Variants in CACNA1C observed in about 807,000 individuals in gnomAD.
CACNA1C encodes calcium voltage-gated channel subunit alpha1 C, also known as voltage-dependent L-type calcium channel subunit alpha-1C.
CACNA1C carries 30 observed loss-of-function variants against 229.0 expected under a neutral mutation model. The ratio of observed to expected loss-of-function variants is 0.13; its 90% CI spans 0.10 to 0.18. The LOEUF (loss-of-function observed/expected upper bound fraction) is 0.18. CACNA1C is among the 10% of genes least tolerant of loss of function. CACNA1C has a pLI of 1.00. For missense variants in CACNA1C, 1,658 were observed against 2,845.0 expected, an observed-to-expected ratio of 0.58 and a Z score of 9.49; for synonymous variants, 1,114 against 1,132.5, an observed-to-expected ratio of 0.98 and a Z score of 0.33.
At chr12:2,144,480 C>T (rs937669269) in intron 3 of CACNA1C, among the ~76,000 whole-genome samples, 4 of 151,416 alleles carry the variant, frequency 2.6e-5, no homozygotes, top group African/African-American at 9.7e-5. Context: ...GTATGAGACA[C>T]AGCAGTGCTT....
intron 3 of CACNA1C, among the ~76,000 whole-genome samples, chr12:2,200,079 C>T (rs2097539310): frequency 6.6e-6 from 1 of 152,202 alleles, no homozygotes; most frequent in African/African-American, 2.4e-5. Context: ...TAGCACTGAG[C>T]AGTGCCTGCA....
intron 4 of CACNA1C, among the ~76,000 whole-genome samples, chr12:2,451,593 G>A (rs1336502060): frequency 6.6e-6 from 1 of 152,170 alleles, no homozygotes; most frequent in East Asian, 1.9e-4. Context: ...GGAGGGAGGG[G>A]CCCTGCCTGG....
intron 3 of CACNA1C, among the ~76,000 whole-genome samples, chr12:2,213,451 A>C (rs2059183653): frequency 6.6e-6 from 1 of 152,168 alleles, no homozygotes; most frequent in South Asian, 2.1e-4. Context: ...GGTGAGGAGG[A>C]GGCGGCGAGA....
intron 9 of CACNA1C, among the ~76,000 whole-genome samples, chr12:2,523,796 G>A (rs2099814101): frequency 6.6e-6 from 1 of 152,214 alleles, no homozygotes; most frequent in South Asian, 2.1e-4. Context: ...AAGGGGAGAT[G>A]AATCATCCTG....
chr12:1,993,675 T>C (rs1249001649), intron 1 of CACNA1C, among the ~76,000 whole-genome samples: 1 of 150,244 alleles, frequency 6.7e-6, no homozygotes, highest in Non-Finnish European at 1.5e-5. Flanking sequence ...TGTTGTTTAT[T>C]TCTTAACCTA....
chr12:2,446,542 G>A (rs1352559071), intron 3 of CACNA1C, among the ~76,000 whole-genome samples: 1 of 150,126 alleles, frequency 6.7e-6, no homozygotes, highest in Non-Finnish European at 1.5e-5. Flanking sequence ...ATGGGTAGAT[G>A]AATGGATGAG....
chr12:2,235,990 T>A (rs1173562451), intron 3 of CACNA1C, among the ~76,000 whole-genome samples: 1 of 152,238 alleles, frequency 6.6e-6, no homozygotes, highest in Non-Finnish European at 1.5e-5. Flanking sequence ...ATGAGAATAC[T>A]GAATCATTGA....
intron 3 of CACNA1C, among the ~76,000 whole-genome samples, chr12:2,374,191 G>C (rs1431327395): frequency 6.6e-6 from 1 of 152,202 alleles, no homozygotes; most frequent in African/African-American, 2.4e-5. Flanking sequence ...TTCCTTTTCT[G>C]ATTCATCTCT....
chr12:2,571,442 A>G (rs560436441), intron 13 of CACNA1C, among the ~76,000 whole-genome samples: 1 of 152,304 alleles, frequency 6.6e-6, no homozygotes, highest in African/African-American at 2.4e-5. Context: ...AATAATTCTC[A>G]AAAGTCCCTG....
At chr12:2,351,410 T>C (rs542673167) in intron 3 of CACNA1C, among the ~76,000 whole-genome samples, 147 of 152,302 alleles carry the variant, frequency 9.7e-4, no homozygotes, top group African/African-American at 3.5e-3. Context: ...TCACCTGGCC[T>C]CTGCTGAAGC....
At chr12:1,977,465 C>G (rs1395828278) in intron 1 of CACNA1C, among the ~76,000 whole-genome samples, 1 of 152,186 alleles carries the variant, frequency 6.6e-6, no homozygotes, top group Admixed American at 6.5e-5. Context: ...GTTCCAGATG[C>G]CACACAAAAT....
At chr12:2,065,741 C>A (rs2059053297) in intron 1 of CACNA1C, among the ~76,000 whole-genome samples, 1 of 152,152 alleles carries the variant, frequency 6.6e-6, no homozygotes, top group Non-Finnish European at 1.5e-5. Context: ...ACTGAGCCGT[C>A]CCTTGAAGGG....
chr12:2,608,824 C>T lies in CACNA1C; in HGVS notation c.3558+112C>T. The T allele has an allele frequency of 1.9e-6, 2 of 1,037,398 alleles. No homozygotes were observed. The highest frequency in any genetic ancestry group is 1.4e-6 in the Non-Finnish European group (1 of 700,760). 64.3% of individuals were successfully genotyped at this position (1,037,398 alleles called of 1,614,324 possible). A position where few individuals can be genotyped will look rare whatever the true frequency, so the allele number is the denominator to read the frequency against. On this transcript the variant is annotated intron_variant, in intron 27 of 46. Transcript: ENST00000399655. The surrounding 1 kb of genome is among the most constrained non-coding windows in gnomAD (Gnocchi z 4.2). ...GGAGAGGCCGTGCAGATACTGAGATCGTCTCTCTATTCCTCAACCAGAGTG... is the reference window on the plus strand; with the variant it reads ...GGAGAGGCCGTGCAGATACTGAGATTGTCTCTCTATTCCTCAACCAGAGTG...
intron 3 of CACNA1C, among the ~76,000 whole-genome samples, chr12:2,420,055 A>C (rs1406473780): frequency 1.3e-5 from 2 of 150,358 alleles, no homozygotes; most frequent in Non-Finnish European, 2.9e-5. Context: ...ACCCCTCTGG[A>C]TGTCAGGACA....
At chr12:2,241,805 TG>T (rs2070440932) in intron 3 of CACNA1C, among the ~76,000 whole-genome samples, 1 of 152,252 alleles carries the variant, frequency 6.6e-6, no homozygotes, top group African/African-American at 2.4e-5. Context: ...TTGTTATGTT[TG>T]ATCCCCTGCT....
At chr12:2,298,543 C>T (rs1229099993) in intron 3 of CACNA1C, among the ~76,000 whole-genome samples, 3 of 152,068 alleles carry the variant, frequency 2.0e-5, no homozygotes, top group African/African-American at 2.4e-5. Context: ...GTGATCTGCC[C>T]GCCTCGGCCT....
rs35049659 is a variant in CACNA1C at position 2,106,913 on chromosome 12, C to T, written c.50-8311C>T. The stretch of plus-strand genomic sequence containing the variant: ...TCCTGAAGCCACTGGGCGCCCACCC[C>T]GGGGAGGGTTTCCACCTCAGCTGGG... On this transcript the variant is annotated intron_variant, in intron 1 of 46. Coordinates refer to ENST00000399655, the MANE Select transcript of CACNA1C (RefSeq NM_000719.7). Among the ~76,000 whole-genome samples the T allele has an allele frequency of 7.8e-4, 22 of 28,092 alleles. 1 individual carries two copies. The highest frequency in any genetic ancestry group is 1.3e-3 in the East Asian group (1 of 758). 18.4% of individuals were successfully genotyped at this position (28,092 alleles called of 152,430 possible). A position where few individuals can be genotyped will look rare whatever the true frequency, so the allele number is the denominator to read the frequency against.
chr12:2,000,432 T>C (rs906275492), intron 1 of CACNA1C, among the ~76,000 whole-genome samples: 2 of 152,130 alleles, frequency 1.3e-5, no homozygotes, highest in Non-Finnish European at 2.9e-5. Flanking sequence ...ACTTGTTTCC[T>C]TTCTTCCTTG....
At chr12:2,587,170 A>T (rs1258380773) in intron 18 of CACNA1C, among the ~76,000 whole-genome samples, 2 of 151,412 alleles carry the variant, frequency 1.3e-5, no homozygotes, top group East Asian at 3.9e-4. Flanking sequence ...GCCAGAGTCT[A>T]AATGTTTACG....
Sources: gnomAD v4.1 joint callset for allele counts (sites outside exome capture counted in the v4.1 genomes callset) on GRCh38, gnomAD v4.1.1 for gene constraint, Gnocchi (gnomAD v3.1) non-coding constraint, MANE v1.5 for transcripts, NCBI Gene and HGNC (gene_info 2026-07-23, HGNC 2026-07-21) for gene names.